Variants in FBXW12 observed in about 807,000 individuals in gnomAD.
FBXW12 encodes the protein F-box and WD repeat domain containing 12.
In FBXW12, 43 loss-of-function variants were observed where a neutral mutation model predicts 55.3. The observed-to-expected ratio is 0.78, with a 90% CI of 0.61 to 1.00. The LOEUF (loss-of-function observed/expected upper bound fraction) is 1.00, where lower values mean the gene tolerates loss of function less well. Ranked by LOEUF, FBXW12 falls within the 50% of genes least tolerant of loss-of-function variation. FBXW12 has a pLI of 0.00. For missense variants in FBXW12, 524 were observed against 560.5 expected, an observed-to-expected ratio of 0.93 and a Z score of 0.66; for synonymous variants, 184 against 203.8, an observed-to-expected ratio of 0.90 and a Z score of 0.83.
chr3:48,391,129 A>T (rs1487445720), intron 10 of FBXW12, among the ~76,000 whole-genome samples: 1 of 95,566 alleles, frequency 1.0e-5, no homozygotes, highest in Non-Finnish European at 2.1e-5. Flanking sequence ...AAAAAAAAAA[A>T]AAAAAATAGC....
chr3:48,374,219 G>A (rs895007359), intron 4 of FBXW12, among the ~76,000 whole-genome samples: 2 of 151,998 alleles, frequency 1.3e-5, no homozygotes, highest in African/African-American at 2.4e-5. Context: ...CTAAATAAAT[G>A]CATACATAGG....
chr3:48,374,454 A>G (rs2036653573), intron 4 of FBXW12, among the ~76,000 whole-genome samples: 1 of 151,620 alleles, frequency 6.6e-6, no homozygotes, highest in African/African-American at 2.4e-5. Context: ...TAGCCCCCTG[A>G]GTAGCTGGGA....
At chr3:48,387,363 GT>G (rs1310729981) in intron 10 of FBXW12, among the ~76,000 whole-genome samples, 5 of 149,758 alleles carry the variant, frequency 3.3e-5, no homozygotes, top group Non-Finnish European at 5.9e-5. Context: ...TTTGGTTTTG[GT>G]TTTGTATTTT....
rs144231673 is a variant in FBXW12, at chr3:48,386,116, T to C, written c.1295+4031T>C. Among the ~76,000 whole-genome samples, 15 of 152,320 alleles carry C rather than the reference T, an allele frequency of 9.8e-5. 1 individual carries two copies. In the East Asian group the frequency reaches 2.9e-3, roughly 29 times the overall value. ...GTCACAGAGCTTTTCCCCTGCACTT[T>C]CTTCTTGTAGTTCAGGTTTTATATT... is the stretch of plus-strand genomic sequence containing the variant. On this transcript the variant is annotated intron_variant, in intron 10 of 10. Transcript: ENST00000296438.
chr3:48,375,719 G>C (rs1344560011), intron 5 of FBXW12, among the ~76,000 whole-genome samples: 1 of 152,176 alleles, frequency 6.6e-6, no homozygotes, highest in East Asian at 1.9e-4. Flanking sequence ...CTGTTCCCCA[G>C]GCTGGAGTGC....
At chr3:48,382,899 C>G (rs1367278124) in intron 10 of FBXW12, among the ~76,000 whole-genome samples, 1 of 152,166 alleles carries the variant, frequency 6.6e-6, no homozygotes, top group Non-Finnish European at 1.5e-5. Context: ...ACTGCCAACA[C>G]CACTAAAAAG....
intron 8 of FBXW12, 23 bp downstream of exon 8, chr3:48,380,935 C>A: frequency 6.3e-7 from 1 of 1,595,180 alleles, no homozygotes; most frequent in Non-Finnish European, 8.6e-7. Flanking sequence ...ACATTAGAAA[C>A]GCTTGTTTCT....
chr3:48,375,352 A>G lies in FBXW12; in HGVS notation c.287-2A>G. ...GGCCAAGTCTTCTATGTTTCCTTCT[A>G]GCATTTGAGACGGAGTTGGCTTATC... is the stretch of plus-strand genomic sequence containing the variant. On this transcript the variant is annotated splice_acceptor_variant, in intron 4 of 10. Transcript: ENST00000296438. LOFTEE classifies it high-confidence loss of function. 1 of 1,569,248 alleles carries G rather than the reference A, an allele frequency of 6.4e-7. No homozygotes were observed. The highest frequency in any genetic ancestry group is 8.8e-7 in the Non-Finnish European group (1 of 1,140,802).
intron 4 of FBXW12, among the ~76,000 whole-genome samples, chr3:48,374,701 A>T (rs1560029708): frequency 6.6e-6 from 1 of 151,168 alleles, no homozygotes; most frequent in African/African-American, 2.4e-5. Context: ...CCTGAACTCA[A>T]GCGATCCTCC....
At chr3:48,372,536 C>T in intron 1 of FBXW12, 148 bp from the exon 2 acceptor site, 1 of 1,065,708 alleles carries the variant, frequency 9.4e-7, no homozygotes, top group African/African-American at 1.6e-5. Flanking sequence ...ATGAACAGCA[C>T]TAACAAGTGG....
chr3:48,379,779 C>A, intron 7 of FBXW12: 1 of 486,342 alleles, frequency 2.1e-6, no homozygotes, highest in Non-Finnish European at 3.7e-6. Context: ...TTCATGAAGC[C>A]CGAATTTGCC....
chr3:48,373,836 G>T (rs1241701726), intron 4 of FBXW12, 131 bp downstream of exon 4: 4 of 826,546 alleles, frequency 4.8e-6, no homozygotes, highest in Admixed American at 2.7e-5. Flanking sequence ...GAACCAGACT[G>T]GGTTGCCGTG....
At chr3:48,390,980 C>G (rs1053309684) in intron 10 of FBXW12, among the ~76,000 whole-genome samples, 4 of 151,430 alleles carry the variant, frequency 2.6e-5, no homozygotes, top group African/African-American at 9.7e-5. Flanking sequence ...TGTATAGAAT[C>G]ATATTGTCTT....
chr3:48,373,711 G>C lies in FBXW12; in HGVS notation c.286+6G>C. 6.2e-7 allele frequency: 1 copy of C among 1,609,714 alleles called. No homozygotes were observed. Among genetic ancestry groups the C allele is most frequent in the Admixed American group, 1.7e-5 (1 of 59,856 alleles). On this transcript the variant is annotated splice_donor_region_variant and intron_variant, in intron 4 of 10. Transcript: ENST00000296438. ...CAAAGTAACTAAGAACATCGGTATG[G>C]GTATAGGTGCCCTAGAGGAACATGA... is the stretch of plus-strand genomic sequence containing the variant.
At chr3:48,378,249 G>A (rs533474450) in intron 5 of FBXW12, 68 bp from the exon 6 acceptor site, 174 of 1,203,044 alleles carry the variant, frequency 1.4e-4, no homozygotes, top group Middle Eastern at 6.9e-4. Flanking sequence ...AAATAAACAT[G>A]GGCAGAATGA....
At chr3:48,384,407 C>A (rs577658991) in intron 10 of FBXW12, among the ~76,000 whole-genome samples, 1 of 152,294 alleles carries the variant, frequency 6.6e-6, no homozygotes, top group South Asian at 2.1e-4. Context: ...TTGCTAAACT[C>A]ATTCATTCTA....
intron 10 of FBXW12, among the ~76,000 whole-genome samples, chr3:48,382,331 G>A (rs2036789628): frequency 6.6e-6 from 1 of 152,156 alleles, no homozygotes. Context: ...TGGCCAGGAT[G>A]GTCTCGATCT....
At chr3:48,392,871 C>T (rs776370033) in intron 10 of FBXW12, among the ~76,000 whole-genome samples, 12 of 151,588 alleles carry the variant, frequency 7.9e-5, no homozygotes, top group Non-Finnish European at 1.8e-4. Context: ...GTATGAAATT[C>T]TTCGAGTTTA....
At chr3:48,383,452 G>A (rs970565839) in intron 10 of FBXW12, among the ~76,000 whole-genome samples, 2 of 151,804 alleles carry the variant, frequency 1.3e-5, no homozygotes, top group African/African-American at 4.8e-5. Context: ...TCTTAATATC[G>A]AGTTTTGATA....
Sources: allele counts gnomAD v4.1 joint callset (sites outside exome capture counted in the v4.1 genomes callset), GRCh38; gene constraint gnomAD v4.1.1; transcripts MANE v1.5; gene names NCBI Gene and HGNC (gene_info 2026-07-23, HGNC 2026-07-21).